TAFA5: variants seen among roughly 807,000 people sequenced by gnomAD.
TAFA5 encodes the protein TAFA chemokine like family member 5.
Under a neutral mutation model 15.3 loss-of-function variants are expected in TAFA5, and 6 were observed. The observed-to-expected ratio is 0.39, with a 90% CI of 0.21 to 0.77. The LOEUF (loss-of-function observed/expected upper bound fraction) is 0.77. Ranked by LOEUF, TAFA5 falls within the 30% of genes least tolerant of loss-of-function variation. TAFA5 has a pLI of 0.41. For missense variants in TAFA5, 161 were observed against 193.1 expected (o/e 0.83, Z 0.98); for synonymous variants, 103 against 80.7 (o/e 1.28, Z -1.48).
intron 1 of TAFA5, among the ~76,000 whole-genome samples, chr22:48,564,078 G>A (rs920641232): frequency 6.6e-6 from 1 of 152,286 alleles, no homozygotes; most frequent in Non-Finnish European, 1.5e-5. Context: ...TGCAGGAAGT[G>A]AGGACGTGGA....
In TAFA5 at chr22:48,637,816, C is replaced by T. The variant is rs570249293; in HGVS notation, c.113-8781C>T. On this transcript the variant is annotated intron_variant, in intron 1 of 3. Coordinates refer to ENST00000402357, the MANE Select transcript of TAFA5 (RefSeq NM_001082967.3). ...GCCACTCCCGCCCACCGAGCACAGC[C>T]GAGCCATTTCCCACACCCGCAGAAA... Among the ~76,000 whole-genome samples, 201 of 152,174 alleles carry T rather than the reference C, an allele frequency of 1.3e-3. 1 individual carries two copies. The highest frequency in any genetic ancestry group is 2.3e-3 in the South Asian group (11 of 4,806).
chr22:48,638,972 CA>C (rs1358537400), intron 1 of TAFA5, among the ~76,000 whole-genome samples: 4 of 146,852 alleles, frequency 2.7e-5, no homozygotes, highest in Non-Finnish European at 4.5e-5. Flanking sequence ...ACACCACACA[CA>C]GGGGGGACCC....
chr22:48,502,231 C>G (rs1920956166), intron 1 of TAFA5, among the ~76,000 whole-genome samples: 1 of 152,192 alleles, frequency 6.6e-6, no homozygotes, highest in African/African-American at 2.4e-5. Flanking sequence ...AACAAATCTG[C>G]TTGGAGCTTT....
intron 1 of TAFA5, among the ~76,000 whole-genome samples, chr22:48,503,463 G>A (rs1920965254): frequency 6.6e-6 from 1 of 152,194 alleles, no homozygotes. Flanking sequence ...CCACAGCCTA[G>A]AGACGAGGGC....
At chr22:48,548,957 CATGCTGGAAGAGCCTTTTGGCCAA>C (rs1250446341) in intron 1 of TAFA5, among the ~76,000 whole-genome samples, 4 of 152,250 alleles carry the variant, frequency 2.6e-5, no homozygotes, top group African/African-American at 7.2e-5. Context: ...CCTTCACACC[CATGCTGGAAGAGCCTTTTGGCCAA>C]AGAGAAGTTC....
At chr22:48,741,539 C>A (rs1273389190) in intron 3 of TAFA5, among the ~76,000 whole-genome samples, 1 of 152,184 alleles carries the variant, frequency 6.6e-6, no homozygotes, top group Non-Finnish European at 1.5e-5. Flanking sequence ...GCACTGACCC[C>A]CAGTCTGAAT....
At chr22:48,650,743 A>G (rs1426983361) in intron 2 of TAFA5, among the ~76,000 whole-genome samples, 1 of 152,036 alleles carries the variant, frequency 6.6e-6, no homozygotes, top group Non-Finnish European at 1.5e-5. Context: ...AGATTCAAAC[A>G]CAAACCAGCC....
chr22:48,544,954 G>T (rs747041015), intron 1 of TAFA5: 2 of 451,446 alleles, frequency 4.4e-6, no homozygotes, highest in African/African-American at 2.0e-5. Flanking sequence ...GATGCTGAGC[G>T]CACCTGCTTT....
chr22:48,705,145 G>T (rs1038227605), intron 2 of TAFA5, among the ~76,000 whole-genome samples: 4 of 152,152 alleles, frequency 2.6e-5, no homozygotes, highest in African/African-American at 9.7e-5. Flanking sequence ...GCACTGAGAG[G>T]ATATTGCATC....
chr22:48,600,270 CG>C (rs1029011820), intron 1 of TAFA5, among the ~76,000 whole-genome samples: 3 of 152,164 alleles, frequency 2.0e-5, no homozygotes, highest in African/African-American at 7.2e-5. Flanking sequence ...GGGGCGTCCC[CG>C]GGGAGGATGG....
Position 48,612,185 on chromosome 22 carries a change from C to T in TAFA5, c.113-34412C>T, listed in dbSNP as rs916170043. Among the ~76,000 whole-genome samples the T allele has an allele frequency of 2.6e-5, 4 of 152,126 alleles. No individual in the cohort carries two copies. In the South Asian group the frequency reaches 6.2e-4, roughly 24 times the overall value. ...TCCCCTGGGTGGCTCATCCCCTGGC[C>T]GCCCACTGGGCCTCATGCTTTTCCA... On this transcript the variant is annotated intron_variant, in intron 1 of 3. Coordinates refer to ENST00000402357, the MANE Select transcript of TAFA5 (RefSeq NM_001082967.3).
intron 3 of TAFA5, among the ~76,000 whole-genome samples, chr22:48,730,483 T>C (rs1406835292): frequency 6.6e-6 from 1 of 152,248 alleles, no homozygotes; most frequent in Admixed American, 6.5e-5. Context: ...TGTTTTATTG[T>C]ACTCTGCTTT....
chr22:48,523,204 G>T (rs1921665519), intron 1 of TAFA5, among the ~76,000 whole-genome samples: 1 of 152,246 alleles, frequency 6.6e-6, no homozygotes, highest in Admixed American at 6.5e-5. Flanking sequence ...GCTGGAGGCG[G>T]GCTCGGCTTG....
intron 1 of TAFA5, among the ~76,000 whole-genome samples, chr22:48,557,909 C>A (rs774523010): frequency 2.6e-5 from 4 of 152,246 alleles, no homozygotes; most frequent in Admixed American, 6.5e-5. Context: ...AATGAGGACA[C>A]AACCGGAGGA....
At chr22:48,564,512 C>T (rs1416550968) in intron 1 of TAFA5, among the ~76,000 whole-genome samples, 1 of 152,228 alleles carries the variant, frequency 6.6e-6, no homozygotes, top group Non-Finnish European at 1.5e-5. Context: ...GTGGTCTGGT[C>T]ATTGTCCTTC....
intron 1 of TAFA5, among the ~76,000 whole-genome samples, chr22:48,576,020 G>A (rs926003291): frequency 3.5e-5 from 5 of 141,078 alleles, no homozygotes; most frequent in African/African-American, 1.3e-4. Flanking sequence ...GGCGGAGGAG[G>A]GGGCCGGGGC....
intron 1 of TAFA5, among the ~76,000 whole-genome samples, chr22:48,570,431 G>A (rs1298259129): frequency 1.3e-5 from 2 of 152,214 alleles, no homozygotes. Context: ...CAAATGAGAA[G>A]CAGGATTTCA....
chr22:48,508,187 T>G (rs1417310116), intron 1 of TAFA5, among the ~76,000 whole-genome samples: 38 of 152,272 alleles, frequency 2.5e-4, no homozygotes, highest in African/African-American at 8.9e-4. Context: ...GCTGCACTGT[T>G]CAGCTCGAGG....
chr22:48,656,316 C>T (rs956902962), intron 2 of TAFA5, among the ~76,000 whole-genome samples: 6 of 151,842 alleles, frequency 4.0e-5, no homozygotes, highest in African/African-American at 1.5e-4. Flanking sequence ...CCATCCTGGC[C>T]AACATGGTGA....
Sources: gnomAD v4.1 joint callset for allele counts (sites outside exome capture counted in the v4.1 genomes callset) on GRCh38, gnomAD v4.1.1 for gene constraint, MANE v1.5 for transcripts, NCBI Gene and HGNC (gene_info 2026-07-23, HGNC 2026-07-21) for gene names.